Variants in PWWP3B observed in about 807,000 individuals in gnomAD.
PWWP3B encodes PWWP domain containing 3B.
A neutral mutation model predicts 15.7 loss-of-function variants in PWWP3B; 5 were observed. That is an observed-to-expected ratio of 0.32 (90% CI 0.17 to 0.67). The LOEUF (loss-of-function observed/expected upper bound fraction) is 0.67, where lower values mean the gene tolerates loss of function less well. PWWP3B is among the 30% of genes least tolerant of loss of function. The pLI is 0.74. For synonymous variants in PWWP3B, 203 were observed against 179.8 expected, an observed-to-expected ratio of 1.13 and a Z score of -1.03; for missense variants, 519 against 493.1, an observed-to-expected ratio of 1.05 and a Z score of -0.50.
rs1265229883 is a variant in PWWP3B at position 106,207,704 on chromosome X, T to C, written c.*181T>C. The C allele has an allele frequency of 2.6e-6, 1 of 389,875 alleles. No individual in the cohort carries two copies. The highest frequency in any genetic ancestry group is 4.3e-6 in the Non-Finnish European group (1 of 234,275). 32.1% of individuals were successfully genotyped at this position (389,875 alleles called of 1,213,427 possible). On this transcript the variant is annotated 3_prime_UTR_variant, in exon 4 of 4. Coordinates refer to ENST00000357175, the MANE Select transcript of PWWP3B (RefSeq NM_001171020.2). ...ACATCTTTATTTCCTTTTCTTGCGC[T>C]TCTTCAAAGTTAATTTTGTCAACAT...
At chrX:106,173,831 C>T (rs1921750395) in intron 2 of PWWP3B, among the ~76,000 whole-genome samples, 1 of 111,633 alleles carries the variant, frequency 9.0e-6, no homozygotes, top group Admixed American at 9.5e-5. Context: ...TGCATCCTTG[C>T]TGACTATGCT....
At chrX:106,181,635 G>A (rs1569359186) in intron 2 of PWWP3B, among the ~76,000 whole-genome samples, 2 of 110,690 alleles carry the variant, frequency 1.8e-5, no homozygotes, top group South Asian at 7.6e-4. Context: ...CAGGACACCC[G>A]AACTGCTGTT....
At chrX:106,182,528 G>A (rs1309507435) in intron 2 of PWWP3B, among the ~76,000 whole-genome samples, 2 of 111,718 alleles carry the variant, frequency 1.8e-5, no homozygotes, top group African/African-American at 6.5e-5. Context: ...TTAAAAAGGT[G>A]TGTGAGTCTG....
At position 106,195,275 on chromosome X, in the gene PWWP3B, A is replaced by C. The variant is rs1416856178; in HGVS notation, c.-400-8710A>C. The stretch of plus-strand genomic sequence containing the variant: ...ATATTTTGGATAAAAGTCCTTCATC[A>C]CATAGGTGTTTTGCAAGTATTGTCT... On this transcript the variant is annotated intron_variant, in intron 2 of 3. Coordinates refer to ENST00000357175, the MANE Select transcript of PWWP3B (RefSeq NM_001171020.2). 4.5e-5 allele frequency among the ~76,000 whole-genome samples: 5 copies of C among 111,389 alleles called. No homozygotes were observed. In the East Asian group the frequency reaches 1.4e-3, roughly 32 times the overall value.
chrX:106,195,655 A>T (rs1272209104), intron 2 of PWWP3B, among the ~76,000 whole-genome samples: 2 of 111,698 alleles, frequency 1.8e-5, no homozygotes, highest in Non-Finnish European at 3.8e-5. Flanking sequence ...CATTCTATTG[A>T]TCTATAGGTC....
intron 2 of PWWP3B, among the ~76,000 whole-genome samples, chrX:106,189,473 A>G (rs1183375043): frequency 4.5e-5 from 5 of 110,152 alleles, no homozygotes; most frequent in Middle Eastern, 4.7e-3. Context: ...GAGTGAGAAC[A>G]TGCAGTGTTT....
chrX:106,198,549 T>C (rs1053636991), intron 2 of PWWP3B, among the ~76,000 whole-genome samples: 1 of 111,702 alleles, frequency 9.0e-6, no homozygotes, highest in African/African-American at 3.3e-5. Flanking sequence ...TTGAGAACAT[T>C]GCCTGGCACA....
In PWWP3B at chrX:106,176,841, T is replaced by G. The variant is rs139787257; in HGVS notation, c.-401+5702T>G. 1.2e-4 allele frequency among the ~76,000 whole-genome samples: 14 copies of G among 112,095 alleles called. No individual in the cohort carries two copies. In the East Asian group the frequency reaches 3.7e-3, roughly 29 times the overall value. On this transcript the variant is annotated intron_variant, in intron 2 of 3. Coordinates refer to ENST00000357175, the MANE Select transcript of PWWP3B (RefSeq NM_001171020.2). ...GAGAAGACCTGAATAAAAAGAGAGA[T>G]ATACATCATGTGCCAGGGCCAGAAG...
chrX:106,188,244 G>GC (rs746230959), intron 2 of PWWP3B, among the ~76,000 whole-genome samples: 2,666 of 110,361 alleles, frequency 0.024, 31 homozygotes, highest in East Asian at 0.042. Context: ...TGTTGTAGGT[G>GC]CCCCCCCCAT....
At chrX:106,178,337 T>C (rs1234112640) in intron 2 of PWWP3B, among the ~76,000 whole-genome samples, 1 of 112,506 alleles carries the variant, frequency 8.9e-6, no homozygotes, top group Non-Finnish European at 1.9e-5. Context: ...GTTATATAGC[T>C]GACAAATGAA....
At chrX:106,168,992 A>T (rs927398389) in intron 1 of PWWP3B, among the ~76,000 whole-genome samples, 1 of 112,087 alleles carries the variant, frequency 8.9e-6, no homozygotes, top group African/African-American at 3.2e-5. Context: ...AGAATTGTAC[A>T]TTCCTATTTG....
rs760728699 is a variant in PWWP3B, at chrX:106,207,585, T to C, written c.*62T>C. The C allele has an allele frequency of 4.9e-4, 507 of 1,041,101 alleles. 1 individual carries two copies. Among genetic ancestry groups the C allele is most frequent in the South Asian group, 9.2e-4 (35 of 37,987 alleles). 85.8% of individuals were successfully genotyped at this position (1,041,101 alleles called of 1,213,427 possible). On this transcript the variant is annotated 3_prime_UTR_variant, in exon 4 of 4. Transcript: ENST00000357175. ...ATAGATACTAGTTGAAAAAAGTCTC[T>C]GAACAATTCTCTCTAATACATATTT...
At chrX:106,199,780 A>C (rs1923592040) in intron 2 of PWWP3B, among the ~76,000 whole-genome samples, 2 of 111,598 alleles carry the variant, frequency 1.8e-5, no homozygotes, top group South Asian at 7.5e-4. Context: ...TTAGGAGATT[A>C]AACTGCCACC....
rs777240639 is a variant in PWWP3B at position 106,205,903 on chromosome X, T to C, written c.471T>C (p.Ser157=). Residue 157 remains serine (S), a synonymous_variant, in exon 4 of 4, where the codon TCT becomes TCC. Coordinates refer to ENST00000357175, the MANE Select transcript of PWWP3B (RefSeq NM_001171020.2). ...AAAACTCAGCATGCTTGTTAGCATC[T>C]TCAGAGAGTGATGATTCCCTGTATG... ...ERENSACLLA[S]SESDDSLYDD... is the part of the protein sequence containing the mutation. The C allele has an allele frequency of 1.4e-5, 17 of 1,209,679 alleles. No individual in the cohort carries two copies. The South Asian group carries it at 2.5e-4, about 18-fold the overall frequency.
In PWWP3B at chrX:106,207,334, A is replaced by G. The variant is rs889945205; in HGVS notation, c.1902A>G (p.Lys634=). ...CTTGGATAAAAGATGATAAAATTAA[A>G]TTTATCCTAGAAGTTCTTCTGCCAG... ...MPTWIKDDKI[K]FILEVLLPEA... Residue 634 remains lysine (K), a synonymous_variant, in exon 4 of 4, where the codon AAA becomes AAG. Coordinates refer to ENST00000357175, the MANE Select transcript of PWWP3B (RefSeq NM_001171020.2). 8.3e-7 allele frequency: 1 copy of G among 1,198,657 alleles called. No homozygotes were observed. Among genetic ancestry groups the G allele is most frequent in the Admixed American group, 2.2e-5 (1 of 44,558 alleles).
chrX:106,184,527 T>C (rs757432627), intron 2 of PWWP3B, among the ~76,000 whole-genome samples: 4 of 111,840 alleles, frequency 3.6e-5, no homozygotes, highest in Non-Finnish European at 7.5e-5. Flanking sequence ...CGGGGATGGC[T>C]TGCTGACCAG....
chrX:106,178,863 T>A (rs1922038582), intron 2 of PWWP3B, among the ~76,000 whole-genome samples: 1 of 112,293 alleles, frequency 8.9e-6, no homozygotes, highest in South Asian at 3.6e-4. Context: ...TCAGTAACCA[T>A]GCAATTATTT....
intron 2 of PWWP3B, among the ~76,000 whole-genome samples, chrX:106,186,037 A>G (rs1056996217): frequency 9.0e-6 from 1 of 111,618 alleles, no homozygotes; most frequent in African/African-American, 3.3e-5. Context: ...AATTATTCTT[A>G]TAGGAGAAAC....
In PWWP3B at chrX:106,206,088, C is replaced by G. The variant is rs144322154; in HGVS notation, c.656C>G (p.Ser219Cys). Residue 219 changes from serine (S) to cysteine (C), a missense_variant, in exon 4 of 4, where the codon TCT becomes TGT. Ser to Cys is a moderately radical substitution (Grantham distance 112). Transcript: ENST00000357175. ...KNKIDISAVM[S>C]VHSAVKEESA... Reference sequence around the variant, plus strand: ...AAGATTGATATCTCAGCAGTTATGTCTGTGCATTCTGCAGTCAAAGAGGAA... The same window carrying G: ...AAGATTGATATCTCAGCAGTTATGTGTGTGCATTCTGCAGTCAAAGAGGAA... The G allele has an allele frequency of 3.0e-5, 36 of 1,209,678 alleles. No homozygotes were observed. In the East Asian group the frequency reaches 1.0e-3, roughly 35 times the overall value.
Sources: allele counts gnomAD v4.1 joint callset (sites outside exome capture counted in the v4.1 genomes callset), GRCh38; gene constraint gnomAD v4.1.1; transcripts MANE v1.5; gene names NCBI Gene and HGNC (gene_info 2026-07-23, HGNC 2026-07-21).